MYCBP2: variants seen among roughly 807,000 people sequenced by gnomAD.
MYCBP2 encodes MYC binding protein 2.
MYCBP2 carries 120 observed loss-of-function variants against 525.3 expected under a neutral mutation model. The observed-to-expected ratio is 0.23, with a 90% CI of 0.20 to 0.27. MYCBP2 has a LOEUF of 0.27. Ranked by LOEUF, MYCBP2 falls within the 10% of genes least tolerant of loss-of-function variation. The pLI, the probability that MYCBP2 is intolerant of heterozygous loss-of-function variation, is 1.00. For missense variants in MYCBP2, 4,149 were observed against 5,657.1 expected (o/e 0.73, Z 8.55); for synonymous variants, 1,894 against 1,955.8 (o/e 0.97, Z 0.83).
chr13:77,149,059 A>T (rs2056074219), intron 47 of MYCBP2, among the ~76,000 whole-genome samples: 1 of 152,044 alleles, frequency 6.6e-6, no homozygotes, highest in African/African-American at 2.4e-5. Flanking sequence ...GCACTCAAAT[A>T]TGTAACTCTA....
rs572509960 is a variant in MYCBP2 at position 77,144,886 on chromosome 13, A to T, written c.7188-326T>A. Among the ~76,000 whole-genome samples the T allele has an allele frequency of 2.0e-5, 3 of 152,264 alleles. No homozygotes were observed. The South Asian group carries it at 6.2e-4, about 32-fold the overall frequency. On this transcript the variant is annotated intron_variant, in intron 48 of 82. Transcript: ENST00000544440. ...GCCTTCTCTCATGGTAGAATGGAGG[A>T]AGTGTCCTGGATCTGATCCAAAGCT...
intron 17 of MYCBP2, among the ~76,000 whole-genome samples, chr13:77,239,384 T>C (rs765030937): frequency 6.6e-6 from 1 of 152,180 alleles, no homozygotes; most frequent in Non-Finnish European, 1.5e-5. Context: ...AACATTTTAT[T>C]TGATGTTTCT....
intron 17 of MYCBP2, among the ~76,000 whole-genome samples, chr13:77,242,234 C>T (rs1472856621): frequency 6.6e-6 from 1 of 152,168 alleles, no homozygotes; most frequent in Non-Finnish European, 1.5e-5. Flanking sequence ...CTGCCTCAGT[C>T]TCCTGAGTAG....
intron 3 of MYCBP2, among the ~76,000 whole-genome samples, chr13:77,284,554 T>G (rs570048869): frequency 6.6e-6 from 1 of 152,210 alleles, no homozygotes; most frequent in African/African-American, 2.4e-5. Flanking sequence ...TGCCTCTGCA[T>G]AGAGGCATCT....
intron 56 of MYCBP2, among the ~76,000 whole-genome samples, chr13:77,096,929 C>T (rs1306996404): frequency 2.0e-5 from 3 of 151,868 alleles, no homozygotes; most frequent in Admixed American, 6.6e-5. Context: ...GAAATCATTA[C>T]ATTTACTGAA....
intron 14 of MYCBP2, 59 bp from the exon 15 acceptor site, chr13:77,251,414 A>ATGAC: frequency 7.2e-7 from 1 of 1,397,522 alleles, no homozygotes; most frequent in Admixed American, 1.7e-5. Context: ...TAAAAGATGG[A>ATGAC]TGACTATATT....
intron 55 of MYCBP2, among the ~76,000 whole-genome samples, chr13:77,106,647 G>A (rs189082384): frequency 6.6e-6 from 1 of 152,222 alleles, no homozygotes; most frequent in East Asian, 1.9e-4. Flanking sequence ...CAATCTTGAG[G>A]AGGTAGTGGA....
chr13:77,277,946 C>A (rs985229209), intron 4 of MYCBP2, among the ~76,000 whole-genome samples: 8 of 152,148 alleles, frequency 5.3e-5, no homozygotes, highest in Middle Eastern at 3.2e-3. Context: ...TTCCTTAGTA[C>A]CTTTTAAGTA....
At chr13:77,088,697 C>A (rs749877992) in intron 61 of MYCBP2, 135 bp downstream of exon 61, 1 of 649,298 alleles carries the variant, frequency 1.5e-6, no homozygotes, top group Non-Finnish European at 2.5e-6. Context: ...TTTATAGGAA[C>A]ACTTAATACT....
chr13:77,056,101 T>G (rs1538849), intron 79 of MYCBP2, among the ~76,000 whole-genome samples: 1,293 of 40,704 alleles, frequency 0.032, 14 homozygotes, highest in African/African-American at 0.1. Context: ...CTGTGTTTGG[T>G]GTGTGTGTGT....
At chr13:77,269,198 T>C (rs531945292) in intron 7 of MYCBP2, among the ~76,000 whole-genome samples, 56 of 152,342 alleles carry the variant, frequency 3.7e-4, no homozygotes, top group Non-Finnish European at 6.9e-4. Context: ...CTTGTGATTC[T>C]TTGCATATTC....
intron 4 of MYCBP2, among the ~76,000 whole-genome samples, chr13:77,276,897 C>T (rs1271662087): frequency 7.2e-6 from 1 of 138,414 alleles, no homozygotes; most frequent in African/African-American, 2.6e-5. Context: ...CTTAAGCTAT[C>T]CTCCTGCCTC....
At chr13:77,273,078 T>C (rs181830553) in intron 5 of MYCBP2, among the ~76,000 whole-genome samples, 1 of 152,286 alleles carries the variant, frequency 6.6e-6, no homozygotes, top group Non-Finnish European at 1.5e-5. Flanking sequence ...ATCAAAAATA[T>C]ATCAGATTGA....
At chr13:77,121,253 A>T in intron 55 of MYCBP2, 120 bp downstream of exon 55, 4 of 946,026 alleles carry the variant, frequency 4.2e-6, no homozygotes, top group Non-Finnish European at 4.2e-6. Context: ...TTAGCTTTCC[A>T]TGAACAAATT....
chr13:77,122,176 T>C (rs983880521), intron 54 of MYCBP2, among the ~76,000 whole-genome samples: 1 of 151,996 alleles, frequency 6.6e-6, no homozygotes, highest in African/African-American at 2.4e-5. Context: ...ATTAATCCCC[T>C]ATGAACAATC....
At chr13:77,085,665 C>T (rs1355464503) in intron 62 of MYCBP2, among the ~76,000 whole-genome samples, 8 of 152,130 alleles carry the variant, frequency 5.3e-5, no homozygotes, top group Non-Finnish European at 1.0e-4. Flanking sequence ...GTTTAGTGTT[C>T]GCCATTTTGG....
intron 15 of MYCBP2, among the ~76,000 whole-genome samples, chr13:77,248,195 T>C (rs1044612889): frequency 8.2e-5 from 12 of 145,716 alleles, no homozygotes; most frequent in South Asian, 2.2e-4. Context: ...CAACACTAGA[T>C]TGGGAAATAA....
Position 77,055,409 on chromosome 13 carries a change from TGGAAACATTG to T in MYCBP2, c.13647+139_13647+148del, listed in dbSNP as rs554257418. On this transcript the variant is annotated intron_variant, in intron 80 of 82. Coordinates refer to ENST00000544440, the MANE Select transcript of MYCBP2 (RefSeq NM_015057.5). ...AACAAGTTAAGTAAACAAGTTTTAC[TGGAAACATTG>T]GGAAACATTGTACCAAGCTATCTTA... The T allele has an allele frequency of 1.0e-3, 735 of 721,816 alleles. 4 individuals carry two copies. Among genetic ancestry groups the T allele is most frequent in the African/African-American group, 6.0e-3 (336 of 55,962 alleles). The allele number at this position is 721,816 out of a possible 1,614,324, so 44.7% of individuals were successfully genotyped here.
At chr13:77,207,509 A>G (rs773983428) in intron 23 of MYCBP2, among the ~76,000 whole-genome samples, 27 of 152,178 alleles carry the variant, frequency 1.8e-4, no homozygotes, top group Non-Finnish European at 2.8e-4. Flanking sequence ...CCAAGAAAAA[A>G]AAGTTCTGAT....
Sources: gnomAD v4.1 joint callset for allele counts (sites outside exome capture counted in the v4.1 genomes callset) on GRCh38, gnomAD v4.1.1 for gene constraint, MANE v1.5 for transcripts, NCBI Gene and HGNC (gene_info 2026-07-23, HGNC 2026-07-21) for gene names.